Variants in RAB11FIP4 observed in about 807,000 individuals in gnomAD.
The protein encoded by RAB11FIP4 is RAB11 family interacting protein 4.
In RAB11FIP4, 23 loss-of-function variants were observed where a neutral mutation model predicts 74.3. The ratio of observed to expected loss-of-function variants is 0.31; its 90% CI spans 0.22 to 0.44. The LOEUF is 0.44. Among genes scored for constraint, RAB11FIP4 ranks in the 20% least tolerant of loss-of-function variants. The pLI, the probability that RAB11FIP4 is intolerant of heterozygous loss-of-function variation, is 1.00. For missense variants in RAB11FIP4, 630 were observed against 863.9 expected (o/e 0.73, Z 3.39); for synonymous variants, 360 against 359.9 (o/e 1.00, Z 0.00).
At chr17:31,437,421 C>T (rs942600261) in intron 3 of RAB11FIP4, among the ~76,000 whole-genome samples, 2 of 152,158 alleles carry the variant, frequency 1.3e-5, no homozygotes, top group Admixed American at 6.5e-5. Context: ...TCAGGCCCGG[C>T]TCTCTGCGCC....
intron 1 of RAB11FIP4, among the ~76,000 whole-genome samples, chr17:31,416,260 C>A (rs538777235): frequency 6.6e-6 from 1 of 152,334 alleles, no homozygotes; most frequent in East Asian, 1.9e-4. Flanking sequence ...CAACCACATA[C>A]CCCCTCTACC....
chr17:31,513,700 A>G (rs562272872), intron 3 of RAB11FIP4, among the ~76,000 whole-genome samples: 9 of 152,354 alleles, frequency 5.9e-5, no homozygotes, highest in East Asian at 1.9e-4. Context: ...TTATAATTAA[A>G]ATTTCCGATT....
Position 31,531,762 on chromosome 17 carries a change from G to GA in RAB11FIP4, c.*30_*31insA. The GA allele has an allele frequency of 6.8e-7, 1 of 1,463,770 alleles. No individual in the cohort carries two copies. 90.7% of individuals were successfully genotyped at this position (1,463,770 alleles called of 1,614,324 possible). ...CGGGGCTGGCTGCAGAGCAGCCTTA[G>GA]GACCCTGGGACCAAGGGCAGACCCT... is the stretch of plus-strand genomic sequence containing the variant. On this transcript the variant is annotated 3_prime_UTR_variant, in exon 15 of 15. Coordinates refer to ENST00000621161, the MANE Select transcript of RAB11FIP4 (RefSeq NM_032932.6).
At chr17:31,488,174 G>A (rs1224034218) in intron 3 of RAB11FIP4, 12 of 1,074,604 alleles carry the variant, frequency 1.1e-5, no homozygotes, top group Non-Finnish European at 1.2e-5. Context: ...GGGGCTGCCC[G>A]CCGCGTCCCC....
intron 3 of RAB11FIP4, among the ~76,000 whole-genome samples, chr17:31,516,177 G>GTGTT (rs2072542561): frequency 6.6e-6 from 1 of 151,840 alleles, no homozygotes; most frequent in Non-Finnish European, 1.5e-5. Flanking sequence ...AGGTTCAGAG[G>GTGTT]TGTTCCATGA....
At chr17:31,487,751 G>A (rs1352044486) in intron 3 of RAB11FIP4, among the ~76,000 whole-genome samples, 1 of 152,096 alleles carries the variant, frequency 6.6e-6, no homozygotes, top group East Asian at 1.9e-4. Flanking sequence ...GCGCCTACCT[G>A]GCAGGGGCGC....
At chr17:31,397,982 C>T (rs1439105941) in intron 1 of RAB11FIP4, among the ~76,000 whole-genome samples, 1 of 152,026 alleles carries the variant, frequency 6.6e-6, no homozygotes. Context: ...TCAAACCGTC[C>T]TCCTGCCCCA....
chr17:31,402,598 T>TTTTTTTTA (rs1555541191), intron 1 of RAB11FIP4, among the ~76,000 whole-genome samples: 10 of 142,804 alleles, frequency 7.0e-5, no homozygotes, highest in African/African-American at 1.8e-4. Flanking sequence ...TTTTATTTAT[T>TTTTTTTTA]TTTATTTATT....
intron 3 of RAB11FIP4, among the ~76,000 whole-genome samples, chr17:31,467,537 A>G (rs1178105621): frequency 6.6e-6 from 1 of 152,114 alleles, no homozygotes; most frequent in East Asian, 1.9e-4. Flanking sequence ...TTCTGATGCT[A>G]AGTTTGGCCC....
In RAB11FIP4 at chr17:31,464,749, C is replaced by CTTTTTTT. The variant is rs58083480; in HGVS notation, c.336+30650_336+30656dup. Among the ~76,000 whole-genome samples the CTTTTTTT allele has an allele frequency of 2.7e-3, 107 of 39,642 alleles. 31 individuals carry two copies. Among genetic ancestry groups the CTTTTTTT allele is most frequent in the East Asian group, 0.012 (11 of 936 alleles). The allele number at this position is 39,642 out of a possible 152,430, so 26.0% of individuals were successfully genotyped here. A position where few individuals can be genotyped will look rare whatever the true frequency, so the allele number is the denominator to read the frequency against. On this transcript the variant is annotated intron_variant, in intron 3 of 14. Coordinates refer to ENST00000621161, the MANE Select transcript of RAB11FIP4 (RefSeq NM_032932.6). ...TACAGGCATGAGCCACTGTGCCCGG[C>CTTTTTTT]TTTTTTTTTTTTTTTTTTTTTTTTT...
At chr17:31,488,366 G>A (rs1160407509) in intron 3 of RAB11FIP4, 1 of 1,087,428 alleles carries the variant, frequency 9.2e-7, no homozygotes, top group Non-Finnish European at 1.1e-6. Context: ...GGCGGAGAGC[G>A]GACTTGGCCT....
intron 1 of RAB11FIP4, among the ~76,000 whole-genome samples, chr17:31,406,233 C>A (rs533979567): frequency 1.3e-5 from 2 of 152,368 alleles, no homozygotes; most frequent in South Asian, 4.1e-4. Flanking sequence ...CTGAGCTGCA[C>A]CTCCCTCAGT....
At chr17:31,500,661 C>T (rs1189180066) in intron 3 of RAB11FIP4, among the ~76,000 whole-genome samples, 4 of 152,212 alleles carry the variant, frequency 2.6e-5, no homozygotes, top group Non-Finnish European at 4.4e-5. Flanking sequence ...GCAATTCTAA[C>T]GTCTCTGAAC....
intron 3 of RAB11FIP4, chr17:31,509,387 G>C (rs1308376698): frequency 6.6e-6 from 1 of 152,124 alleles, no homozygotes; most frequent in Non-Finnish European, 1.5e-5. Context: ...CAGCAACCAG[G>C]TGTCTACACA....
chr17:31,402,119 C>T (rs530094227), intron 1 of RAB11FIP4, among the ~76,000 whole-genome samples: 21 of 152,128 alleles, frequency 1.4e-4, no homozygotes, highest in Admixed American at 5.2e-4. Context: ...TCATTAGCCA[C>T]GCACCCCTTA....
chr17:31,471,840 G>A (rs924133279), intron 3 of RAB11FIP4, among the ~76,000 whole-genome samples: 3 of 152,190 alleles, frequency 2.0e-5, no homozygotes, highest in Non-Finnish European at 2.9e-5. Context: ...TTTTCAGGTG[G>A]GGAGGCGCCC....
Position 31,534,102 on chromosome 17 carries a change from G to T in RAB11FIP4, c.*2370G>T, listed in dbSNP as rs2072918997. 6.6e-6 allele frequency: 1 copy of T among 152,242 alleles called. No homozygotes were observed. The highest frequency in any genetic ancestry group is 2.4e-5 in the African/African-American group (1 of 41,450). 9.4% of individuals were successfully genotyped at this position (152,242 alleles called of 1,614,324 possible). A position where few individuals can be genotyped will look rare whatever the true frequency, so the allele number is the denominator to read the frequency against. On this transcript the variant is annotated 3_prime_UTR_variant, in exon 15 of 15. Transcript: ENST00000621161. Reference sequence around the variant, plus strand: ...GCTCCACAGCCCCTGGCAGATCCCAGACCCCTTGGTGGCAGGTCCCAGAGC... The same window carrying T: ...GCTCCACAGCCCCTGGCAGATCCCATACCCCTTGGTGGCAGGTCCCAGAGC...
intron 3 of RAB11FIP4, 97 bp downstream of exon 3, chr17:31,434,219 C>A: frequency 2.0e-6 from 2 of 1,007,300 alleles, no homozygotes; most frequent in Non-Finnish European, 3.0e-6. Flanking sequence ...GACCCAGAAC[C>A]TCCCTCTGAG....
At chr17:31,465,037 G>A (rs1303793515) in intron 3 of RAB11FIP4, among the ~76,000 whole-genome samples, 3 of 152,100 alleles carry the variant, frequency 2.0e-5, no homozygotes, top group Non-Finnish European at 4.4e-5. Flanking sequence ...GGGATTACAG[G>A]TGTGAGCTAC....
Sources: gnomAD v4.1 joint callset for allele counts (sites outside exome capture counted in the v4.1 genomes callset) on GRCh38, gnomAD v4.1.1 for gene constraint, MANE v1.5 for transcripts, NCBI Gene and HGNC (gene_info 2026-07-23, HGNC 2026-07-21) for gene names.